Variants in AK3 observed in about 807,000 individuals in gnomAD.
AK3 encodes adenylate kinase 3, also known as GTP:AMP phosphotransferase AK3, mitochondrial.
In AK3, 27 loss-of-function variants were observed where a neutral mutation model predicts 23.7. The observed-to-expected ratio is 1.14, with a 90% CI of 0.84 to 1.57. AK3 has a LOEUF of 1.57. Among genes scored for constraint, AK3 ranks in the 40% most tolerant of loss-of-function variants. The probability of loss-of-function intolerance (pLI) is 0.00; values close to 1 mark genes in which losing one functional copy is unlikely to be tolerated. For missense variants in AK3, 406 were observed against 285.6 expected (o/e 1.42, Z -3.04); for synonymous variants, 159 against 116.0 (o/e 1.37, Z -2.38).
chr9:4,712,959 G>A lies in AK3; in HGVS notation c.*17C>T. On this transcript the variant is annotated 3_prime_UTR_variant, in exon 5 of 5. Transcript: ENST00000381809. The stretch of plus-strand genomic sequence containing the variant: ...AGGTTTGCCCATCTTACTATTAATA[G>A]TTACACACATTTCTCCTCATGGAGT... The A allele has an allele frequency of 2.5e-6, 4 of 1,611,396 alleles. No individual in the cohort carries two copies. In the South Asian group the frequency reaches 4.4e-5, roughly 18 times the overall value.
chr9:4,735,479 T>TA (rs758311463), intron 1 of AK3, among the ~76,000 whole-genome samples: 21,191 of 69,120 alleles, frequency 0.31, 4,763 homozygotes, highest in East Asian at 0.46. Context: ...TATATATATA[T>TA]TTTTTTTTTT....
At chr9:4,737,310 A>T (rs1251795410) in intron 1 of AK3, among the ~76,000 whole-genome samples, 2 of 152,162 alleles carry the variant, frequency 1.3e-5, no homozygotes, top group Non-Finnish European at 2.9e-5. Context: ...TCATCGTCTA[A>T]TTCATGTCTA....
At chr9:4,729,123 G>A (rs1402737140) in intron 1 of AK3, among the ~76,000 whole-genome samples, 1 of 150,414 alleles carries the variant, frequency 6.6e-6, no homozygotes, top group Non-Finnish European at 1.5e-5. Flanking sequence ...CGATTCTCCT[G>A]CCTCCACCTC....
chr9:4,713,949 C>T (rs1841632942), intron 4 of AK3, among the ~76,000 whole-genome samples: 2 of 122,634 alleles, frequency 1.6e-5, no homozygotes, highest in African/African-American at 3.2e-5. Context: ...CACATATACA[C>T]GCCTACACAT....
chr9:4,715,434 C>A (rs1160775111), intron 4 of AK3, among the ~76,000 whole-genome samples: 1 of 148,048 alleles, frequency 6.8e-6, no homozygotes, highest in Non-Finnish European at 1.5e-5. Flanking sequence ...ACTCTGACAC[C>A]CGCGCTCTAG....
At chr9:4,735,446 AATATATACATAGTATATGTGTATAT>A (rs1842265525) in intron 1 of AK3, among the ~76,000 whole-genome samples, 2 of 123,666 alleles carry the variant, frequency 1.6e-5, no homozygotes, top group Non-Finnish European at 3.3e-5. Context: ...TACATATATA[AATATATACATAGTATATGTGTATAT>A]ATATATATTT....
rs1841553508 is a variant in AK3, at chr9:4,711,234, G to A, written c.*1742C>T. On this transcript the variant is annotated 3_prime_UTR_variant, in exon 5 of 5. Coordinates refer to ENST00000381809, the MANE Select transcript of AK3 (RefSeq NM_016282.4). ...CAGGCAGCAGAAAGGAAGGTGGGAT[G>A]GAGCAGGCCCTGTGAAGGACCAAGA... is the stretch of plus-strand genomic sequence containing the variant. 3 of 152,662 alleles carry A rather than the reference G, an allele frequency of 2.0e-5. No individual in the cohort carries two copies. Among genetic ancestry groups the A allele is most frequent in the Admixed American group, 2.0e-4 (3 of 15,280 alleles). The allele number at this position is 152,662 out of a possible 1,614,324, so 9.5% of individuals were successfully genotyped here.
In AK3 at chr9:4,722,558, C is replaced by T. The variant is rs768173564; in HGVS notation, c.219G>A (p.Arg73=). ...GATTTTTCAGCTCATGAAGGGCCAG[C>T]CGAGTCATGACATCATCTGGGATGA... ...GKLIPDDVMT[R]LALHELKNLT... The change falls in exon 2 of 5, where the codon CGG becomes CGA. Residue 73 remains arginine (R), a synonymous_variant. Coordinates refer to ENST00000381809, the MANE Select transcript of AK3 (RefSeq NM_016282.4). The T allele has an allele frequency of 6.2e-6, 10 of 1,614,034 alleles. No homozygotes were observed. Among genetic ancestry groups the T allele is most frequent in the Admixed American group, 5.0e-5 (3 of 60,000 alleles).
intron 1 of AK3, among the ~76,000 whole-genome samples, chr9:4,725,704 G>C (rs138858363): frequency 6.6e-6 from 1 of 152,174 alleles, no homozygotes; most frequent in African/African-American, 2.4e-5. Flanking sequence ...TTTGTATCTA[G>C]AATATCTAAA....
chr9:4,735,483 T>TC (rs1563798728), intron 1 of AK3, among the ~76,000 whole-genome samples: 4 of 95,890 alleles, frequency 4.2e-5, no homozygotes, highest in African/African-American at 1.6e-4. Flanking sequence ...TATATATTTT[T>TC]TTTTTTTTTT....
intron 1 of AK3, among the ~76,000 whole-genome samples, chr9:4,726,516 G>A (rs899897222): frequency 1.3e-5 from 2 of 152,122 alleles, no homozygotes; most frequent in East Asian, 3.8e-4. Flanking sequence ...TTCATTAAAA[G>A]CAACTCCTCA....
At chr9:4,715,123 G>A (rs755976614) in intron 4 of AK3, among the ~76,000 whole-genome samples, 1 of 147,278 alleles carries the variant, frequency 6.8e-6, no homozygotes, top group Non-Finnish European at 1.5e-5. Flanking sequence ...GGAGGCTGAG[G>A]CATAAGAATC....
chr9:4,713,788 A>T (rs1563780691), intron 4 of AK3, among the ~76,000 whole-genome samples: 1 of 152,096 alleles, frequency 6.6e-6, no homozygotes, highest in African/African-American at 2.4e-5. Flanking sequence ...TGTGGATAAC[A>T]TGGTGAAGAG....
intron 4 of AK3, among the ~76,000 whole-genome samples, chr9:4,713,976 T>TATGCC (rs1563780934): frequency 2.0e-4 from 2 of 9,832 alleles, no homozygotes; most frequent in Non-Finnish European, 2.2e-4. Context: ...ACCTCCACAT[T>TATGCC]TACACACCTA....
At chr9:4,722,986 G>C (rs544525606) in intron 1 of AK3, among the ~76,000 whole-genome samples, 1 of 152,268 alleles carries the variant, frequency 6.6e-6, no homozygotes, top group Admixed American at 6.5e-5. Flanking sequence ...CGGGGGAATC[G>C]CTTGAACCCA....
upstream of AK3, chr9:4,741,843 C>G (rs1463289956): frequency 6.6e-6 from 1 of 152,384 alleles, no homozygotes; most frequent in African/African-American, 2.4e-5. Flanking sequence ...CCAGACCCCC[C>G]GCTTCTGCAC....
At chr9:4,715,061 A>C (rs1841685207) in intron 4 of AK3, among the ~76,000 whole-genome samples, 1 of 152,008 alleles carries the variant, frequency 6.6e-6, no homozygotes, top group Admixed American at 6.6e-5. Context: ...TCTACTAAAA[A>C]TACAAAAATT....
chr9:4,739,634 A>G (rs1842376657), intron 1 of AK3, among the ~76,000 whole-genome samples: 1 of 152,020 alleles, frequency 6.6e-6, no homozygotes, highest in Non-Finnish European at 1.5e-5. Flanking sequence ...ATTACATACA[A>G]GAAAAGATAC....
intron 1 of AK3, among the ~76,000 whole-genome samples, chr9:4,728,866 T>TATATATAAACAC (rs1395790351): frequency 1.1e-5 from 1 of 87,894 alleles, no homozygotes; most frequent in African/African-American, 3.8e-5. Flanking sequence ...TATATATATA[T>TATATATAAACAC]ACACACACAC....
Sources: allele counts gnomAD v4.1 joint callset (sites outside exome capture counted in the v4.1 genomes callset), GRCh38; gene constraint gnomAD v4.1.1; transcripts MANE v1.5; gene names NCBI Gene and HGNC (gene_info 2026-07-23, HGNC 2026-07-21).